Variants in PDZRN4 observed in about 807,000 individuals in gnomAD.
PDZRN4 encodes the protein PDZ domain containing ring finger 4.
A neutral mutation model predicts 99.0 loss-of-function variants in PDZRN4; 70 were observed. The ratio of observed to expected loss-of-function variants is 0.71; its 90% CI spans 0.58 to 0.86. The LOEUF (loss-of-function observed/expected upper bound fraction) is 0.86, where lower values mean the gene tolerates loss of function less well. Among genes scored for constraint, PDZRN4 ranks in the 40% least tolerant of loss-of-function variants. PDZRN4 has a pLI of 0.00. For synonymous variants in PDZRN4, 551 were observed against 501.6 expected, an observed-to-expected ratio of 1.10 and a Z score of -1.32; for missense variants, 1,474 against 1,331.2, an observed-to-expected ratio of 1.11 and a Z score of -1.67.
chr12:41,469,925 A>G (rs2733276), intron 3 of PDZRN4, among the ~76,000 whole-genome samples: 83,371 of 151,768 alleles, frequency 0.55, 24,035 homozygotes, highest in African/African-American at 0.74. Flanking sequence ...GCGAGACTCC[A>G]TCTCAAAAAT....
Position 41,188,644 on chromosome 12 carries a change from GC to G in PDZRN4, c.190del (p.Leu64CysfsTer164), listed in dbSNP as rs1386112183. On this transcript the variant is annotated frameshift_variant, in exon 1 of 10. Transcript: ENST00000402685. LOFTEE classifies it high-confidence loss of function. ...LQCQPLAPGE[L>X]YRVLPLRSLI... ...AGTGCCAGCCCTTGGCGCCCGGCGA[GC>G]TGTACCGGGTGCTGCCGCTGCGCAG... 6.5e-7 allele frequency: 1 copy of G among 1,542,768 alleles called. No individual in the cohort carries two copies. The highest frequency in any genetic ancestry group is 1.2e-5 in the South Asian group (1 of 84,692).
intron 3 of PDZRN4, among the ~76,000 whole-genome samples, chr12:41,214,292 G>A (rs1323165642): frequency 2.1e-5 from 3 of 145,374 alleles, no homozygotes; most frequent in African/African-American, 7.7e-5. Context: ...AACCAGGCAT[G>A]GTGGTACATG....
chr12:41,250,535 T>A (rs1309408249), intron 3 of PDZRN4, among the ~76,000 whole-genome samples: 1 of 152,254 alleles, frequency 6.6e-6, no homozygotes, highest in East Asian at 1.9e-4. Flanking sequence ...CATCCCTAAA[T>A]AACTAAAAGT....
intron 3 of PDZRN4, among the ~76,000 whole-genome samples, chr12:41,401,476 G>A (rs1445168460): frequency 6.6e-6 from 1 of 152,080 alleles, no homozygotes; most frequent in African/African-American, 2.4e-5. Context: ...CTCTTCACTT[G>A]CATTTACTAT....
At position 41,554,930 on chromosome 12, in the gene PDZRN4, C is replaced by T. The variant is rs80151821; in HGVS notation, c.1303-768C>T. On this transcript the variant is annotated intron_variant, in intron 6 of 9. Transcript: ENST00000402685. ...CTCTTTAATAAGTATGGTCTTGGGC[C>T]GGACGCGGTGGCTCACGCCTGTAAT... 4.5e-3 allele frequency among the ~76,000 whole-genome samples: 677 copies of T among 151,514 alleles called. 11 individuals carry two copies. The East Asian group carries it at 0.051, about 11-fold the overall frequency.
intron 3 of PDZRN4, among the ~76,000 whole-genome samples, chr12:41,405,062 A>T (rs1285300307): frequency 6.6e-6 from 1 of 152,098 alleles, no homozygotes; most frequent in Non-Finnish European, 1.5e-5. Flanking sequence ...TTGACAAATA[A>T]TTTTTGGCTA....
chr12:41,520,286 C>T (rs1215508365), intron 5 of PDZRN4, among the ~76,000 whole-genome samples: 1 of 151,978 alleles, frequency 6.6e-6, no homozygotes, highest in Admixed American at 6.6e-5. Context: ...GCCTTATGTG[C>T]CATTATTGTT....
intron 5 of PDZRN4, among the ~76,000 whole-genome samples, chr12:41,546,696 A>G (rs1938959373): frequency 6.6e-6 from 1 of 152,206 alleles, no homozygotes; most frequent in Admixed American, 6.5e-5. Context: ...CAAGCTGCAT[A>G]AGGAGACAGG....
Position 41,563,598 on chromosome 12 carries a change from T to C in PDZRN4, c.1416T>C (p.Ser472=), listed in dbSNP as rs1183271446. 1 of 1,613,504 alleles carries C rather than the reference T, an allele frequency of 6.2e-7. No individual in the cohort carries two copies. The highest frequency in any genetic ancestry group is 1.3e-5 in the African/African-American group (1 of 74,888). The change falls in exon 8 of 10, where the codon TCT becomes TCC. Residue 472 remains serine (S), a synonymous_variant. Coordinates refer to ENST00000402685, the MANE Select transcript of PDZRN4 (RefSeq NM_001164595.2). ...GAGAAGAAGCAGTGGCCTTGCTGTC[T>C]AACGATGAGTGTAAGAGAATCGTGC... ...QNREEAVALL[S]NDECKRIVLL... is the part of the protein sequence containing the mutation.
intron 3 of PDZRN4, among the ~76,000 whole-genome samples, chr12:41,467,791 T>TA (rs1160516419): frequency 6.6e-6 from 1 of 152,220 alleles, no homozygotes; most frequent in Non-Finnish European, 1.5e-5. Context: ...ACTCTGTACT[T>TA]ACTGGCCAAG....
At chr12:41,560,850 T>A (rs1355581243) in intron 7 of PDZRN4, among the ~76,000 whole-genome samples, 1 of 152,202 alleles carries the variant, frequency 6.6e-6, no homozygotes, top group African/African-American at 2.4e-5. Flanking sequence ...CAGTATCAGT[T>A]TGGGTGTAAA....
Position 41,188,800 on chromosome 12 carries a change from CGGGGGCTGCGCTT to C in PDZRN4, c.346_358del (p.Gly116ArgfsTer108). The C allele has an allele frequency of 7.4e-7, 1 of 1,353,786 alleles. No individual in the cohort carries two copies. Among genetic ancestry groups the C allele is most frequent in the Non-Finnish European group, 9.4e-7 (1 of 1,059,892 alleles). The allele number at this position is 1,353,786 out of a possible 1,614,324, so 83.9% of individuals were successfully genotyped here. On this transcript the variant is annotated frameshift_variant, in exon 1 of 10. Coordinates refer to ENST00000402685, the MANE Select transcript of PDZRN4 (RefSeq NM_001164595.2). LOFTEE classifies it high-confidence loss of function. ...GCCCTGCCCGCCGGCTCCGCAGCCG[CGGGGGCTGCGCTT>C]CGGGGCTGGGCGGTGGTGAGGTGCC...
chr12:41,286,341 T>C (rs997487330), intron 3 of PDZRN4, among the ~76,000 whole-genome samples: 1,417 of 136,018 alleles, frequency 0.01, 4 homozygotes, highest in Middle Eastern at 0.023. Flanking sequence ...TTCTTCTTTT[T>C]TTTTTTTTTT....
intron 3 of PDZRN4, among the ~76,000 whole-genome samples, chr12:41,268,920 C>T (rs746883257): frequency 3.9e-5 from 6 of 152,134 alleles, no homozygotes; most frequent in Non-Finnish European, 8.8e-5. Flanking sequence ...CATTTTGTGC[C>T]TTGCCTTATA....
intron 3 of PDZRN4, among the ~76,000 whole-genome samples, chr12:41,365,664 G>C (rs1951994644): frequency 6.6e-6 from 1 of 151,972 alleles, no homozygotes; most frequent in Non-Finnish European, 1.5e-5. Context: ...TCCCCTCTTT[G>C]AGCCCGAATC....
intron 3 of PDZRN4, among the ~76,000 whole-genome samples, chr12:41,415,511 C>T (rs1369411258): frequency 6.6e-6 from 1 of 151,902 alleles, no homozygotes; most frequent in African/African-American, 2.4e-5. Flanking sequence ...ACATCTTGGC[C>T]TATGAATAGG....
intron 3 of PDZRN4, among the ~76,000 whole-genome samples, chr12:41,408,046 C>T (rs971786269): frequency 1.3e-5 from 2 of 152,016 alleles, no homozygotes; most frequent in Non-Finnish European, 2.9e-5. Context: ...GATAATAAGG[C>T]GAGTTAGCTG....
intron 5 of PDZRN4, among the ~76,000 whole-genome samples, chr12:41,522,641 G>A (rs946009160): frequency 2.0e-5 from 3 of 152,176 alleles, no homozygotes; most frequent in African/African-American, 4.8e-5. Context: ...CTTTATGTCT[G>A]CCAAAAGAAA....
chr12:41,445,168 C>T (rs1288450498), intron 3 of PDZRN4, among the ~76,000 whole-genome samples: 3 of 151,962 alleles, frequency 2.0e-5, no homozygotes, highest in African/African-American at 7.2e-5. Context: ...AAATTATACA[C>T]AAGGGAGGCA....
Sources: allele counts gnomAD v4.1 joint callset (sites outside exome capture counted in the v4.1 genomes callset), GRCh38; gene constraint gnomAD v4.1.1; transcripts MANE v1.5; gene names NCBI Gene and HGNC (gene_info 2026-07-23, HGNC 2026-07-21).